Variants in DSN1 observed in about 807,000 individuals in gnomAD.
The protein encoded by DSN1 is DSN1 component of MIS12 kinetochore complex.
DSN1 carries 31 observed loss-of-function variants against 45.7 expected under a neutral mutation model. The observed-to-expected ratio is 0.68, with a 90% confidence interval of 0.51 to 0.92. The LOEUF (loss-of-function observed/expected upper bound fraction) is 0.92. Ranked by LOEUF, DSN1 falls within the 40% of genes least tolerant of loss-of-function variation. The pLI is 0.00. For missense variants in DSN1, 394 were observed against 414.2 expected (o/e 0.95, Z 0.42); for synonymous variants, 134 against 142.3 (o/e 0.94, Z 0.41).
chr20:36,765,570 G>C (rs544568805), intron 5 of DSN1, among the ~76,000 whole-genome samples: 51 of 151,986 alleles, frequency 3.4e-4, no homozygotes, highest in Admixed American at 2.6e-3. Flanking sequence ...TAGCACTTTG[G>C]AAGGCGGAGG....
intron 5 of DSN1, among the ~76,000 whole-genome samples, 163 bp downstream of exon 5, chr20:36,766,606 G>T (rs1601021036): frequency 6.6e-6 from 1 of 152,290 alleles, no homozygotes; most frequent in East Asian, 1.9e-4. Flanking sequence ...AGTGAGCCAA[G>T]ATCACCCTAC....
chr20:36,771,541 CCCCAGAATA>C lies in DSN1; in HGVS notation c.-15-77_-15-69del. The C allele has an allele frequency of 2.7e-6, 4 of 1,471,866 alleles. No individual in the cohort carries two copies. In the African/African-American group the frequency reaches 5.6e-5, roughly 21 times the overall value. 91.2% of individuals were successfully genotyped at this position (1,471,866 alleles called of 1,614,324 possible). On this transcript the variant is annotated intron_variant, in intron 1 of 10. Transcript: ENST00000373750. Reference sequence around the variant, plus strand: ...CTGCAGTCTCAATGGGGCTTTACAGCCCCAGAATAAATAGGCCGTGTGCTTTCCAGCCTC... The same window carrying C: ...CTGCAGTCTCAATGGGGCTTTACAGCAATAGGCCGTGTGCTTTCCAGCCTC...
Position 36,773,713 on chromosome 20 carries a change from C to T in DSN1, c.-67G>A. ...TCCACAGCCCCAGGTCACTCCTGGA[C>T]GCCTTGCGCACCCGCAGCCGATACT... On this transcript the variant is annotated 5_prime_UTR_variant, in exon 1 of 11. Coordinates refer to ENST00000373750, the MANE Select transcript of DSN1 (RefSeq NM_001145315.2). The T allele has an allele frequency of 2.0e-6, 2 of 985,564 alleles. No homozygotes were observed. The highest frequency in any genetic ancestry group is 2.4e-6 in the Non-Finnish European group (2 of 830,006). The allele number at this position is 985,564 out of a possible 1,614,324, so 61.1% of individuals were successfully genotyped here.
At position 36,754,732 on chromosome 20, in the gene DSN1, G is replaced by C. The variant is rs1211923793; in HGVS notation, c.961+31C>G. The C allele has an allele frequency of 2.5e-6, 4 of 1,597,296 alleles. No individual in the cohort carries two copies. In the Admixed American group the frequency reaches 5.0e-5, roughly 20 times the overall value. On this transcript the variant is annotated intron_variant, in intron 10 of 10. Coordinates refer to ENST00000373750, the MANE Select transcript of DSN1 (RefSeq NM_001145315.2). Reference sequence around the variant, plus strand: ...CAAAGGCTATCATGGAAAACAGCCTGAACTCTGGTCCCCTCAAGAGACAAG... The same window carrying C: ...CAAAGGCTATCATGGAAAACAGCCTCAACTCTGGTCCCCTCAAGAGACAAG...
intron 6 of DSN1, among the ~76,000 whole-genome samples, chr20:36,760,239 G>T (rs986582851): frequency 6.6e-6 from 1 of 150,894 alleles, no homozygotes; most frequent in African/African-American, 2.4e-5. Flanking sequence ...GCGAGACTCT[G>T]CCTCAAAAAA....
At chr20:36,753,014 G>T in intron 10 of DSN1, 117 bp from the exon 11 acceptor site, 1 of 800,608 alleles carries the variant, frequency 1.2e-6, no homozygotes, top group Non-Finnish European at 2.1e-6. Context: ...ACAAATAAGA[G>T]AGTCTCTGGC....
chr20:36,755,370 C>T (rs764551235), intron 9 of DSN1, among the ~76,000 whole-genome samples: 1 of 152,012 alleles, frequency 6.6e-6, no homozygotes, highest in Non-Finnish European at 1.5e-5. Context: ...CTCCCTCAAA[C>T]GTCCTCATGG....
At chr20:36,760,006 G>A (rs551724767) in intron 6 of DSN1, among the ~76,000 whole-genome samples, 3 of 151,978 alleles carry the variant, frequency 2.0e-5, no homozygotes, top group South Asian at 2.1e-4. Flanking sequence ...CAGTCTAGGA[G>A]ACCGAGGCAG....
intron 8 of DSN1, 49 bp downstream of exon 8, chr20:36,758,034 CCAAT>C (rs1198050627): frequency 1.1e-5 from 17 of 1,509,274 alleles, no homozygotes; most frequent in African/African-American, 1.4e-5. Flanking sequence ...GAAATAAACA[CCAAT>C]CAAACTCCAT....
intron 6 of DSN1, among the ~76,000 whole-genome samples, chr20:36,760,975 G>GT (rs1220024838): frequency 6.6e-6 from 1 of 152,152 alleles, no homozygotes; most frequent in African/African-American, 2.4e-5. Context: ...AAAGACCTTT[G>GT]TGAAGTCAAA....
chr20:36,754,152 C>T (rs1986540413), intron 10 of DSN1, among the ~76,000 whole-genome samples: 2 of 152,024 alleles, frequency 1.3e-5, no homozygotes, highest in Admixed American at 1.3e-4. Context: ...AACAGGGGGA[C>T]CCCATCTCTA....
At chr20:36,754,960 G>T (rs2148256711) in intron 9 of DSN1, 110 bp from the exon 10 acceptor site, 2 of 840,386 alleles carry the variant, frequency 2.4e-6, no homozygotes, top group Non-Finnish European at 3.8e-6. Flanking sequence ...TGTTCTTTCA[G>T]CCTGGAATGC....
chr20:36,763,359 G>A (rs1172765078), intron 5 of DSN1, among the ~76,000 whole-genome samples: 4 of 138,478 alleles, frequency 2.9e-5, no homozygotes, highest in African/African-American at 8.0e-5. Flanking sequence ...GAGCTGAGAC[G>A]GTGCCACTGC....
chr20:36,758,420 A>G (rs1355889622), intron 7 of DSN1, 138 bp downstream of exon 7: 3 of 751,260 alleles, frequency 4.0e-6, no homozygotes, highest in Non-Finnish European at 6.5e-6. Context: ...AAATCTCAAT[A>G]TGCAGCCTTC....
intron 5 of DSN1, 58 bp downstream of exon 5, chr20:36,766,711 C>T (rs979362556): frequency 1.5e-5 from 21 of 1,425,660 alleles, no homozygotes; most frequent in African/African-American, 1.0e-4. Context: ...AATGGGGATG[C>T]TGTGAGCAAA....
chr20:36,773,596 G>A, intron 1 of DSN1, 66 bp downstream of exon 1: 1 of 985,724 alleles, frequency 1.0e-6, no homozygotes, highest in Non-Finnish European at 1.2e-6. Context: ...TGCGGCGGCG[G>A]GCGGGGCCAC....
chr20:36,773,249 C>G (rs1987742896), intron 1 of DSN1: 1 of 469,026 alleles, frequency 2.1e-6, no homozygotes, highest in Non-Finnish European at 2.8e-6. Context: ...TAATCCCTTC[C>G]ACAACTCCGT....
chr20:36,762,878 C>T (rs1033718915), intron 5 of DSN1, among the ~76,000 whole-genome samples: 20 of 152,248 alleles, frequency 1.3e-4, no homozygotes, highest in Middle Eastern at 3.4e-3. Flanking sequence ...CCTCAGCCTC[C>T]CTATTTGCTG....
At position 36,773,678 on chromosome 20, in the gene DSN1, C is replaced by T. The variant is rs755893693; in HGVS notation, c.-32G>A. The T allele has an allele frequency of 1.7e-5, 17 of 985,554 alleles. No individual in the cohort carries two copies. Among genetic ancestry groups the T allele is most frequent in the African/African-American group, 1.7e-5 (1 of 57,256 alleles). The allele number at this position is 985,554 out of a possible 1,614,324, so 61.1% of individuals were successfully genotyped here. The stretch of plus-strand genomic sequence containing the variant: ...CCTCCGTACCTGAAACACAAGGCCA[C>T]GGGTCGCTCTCCACAGCCCCAGGTC... On this transcript the variant is annotated 5_prime_UTR_variant, in exon 1 of 11. The change creates a new upstream start codon in the 5' untranslated region. Transcript: ENST00000373750.
Sources: gnomAD v4.1 joint callset for allele counts (sites outside exome capture counted in the v4.1 genomes callset) on GRCh38, gnomAD v4.1.1 for gene constraint, MANE v1.5 for transcripts, NCBI Gene and HGNC (gene_info 2026-07-23, HGNC 2026-07-21) for gene names.